The following PREX2 variants were observed in gnomAD, a reference collection of about 807,000 sequenced individuals.
PREX2 encodes the protein phosphatidylinositol 3,4,5-trisphosphate-dependent Rac exchanger 2 protein.
PREX2 carries 107 observed loss-of-function variants against 203.2 expected under a neutral mutation model. The observed-to-expected ratio is 0.53, with a 90% CI of 0.45 to 0.62. The LOEUF (loss-of-function observed/expected upper bound fraction) is 0.62. PREX2 is among the 20% of genes least tolerant of loss of function. The pLI is 0.00. For missense variants in PREX2, 1,777 were observed against 1,955.9 expected (o/e 0.91, Z 1.72); for synonymous variants, 672 against 663.6 (o/e 1.01, Z -0.19).
intron 17 of PREX2, among the ~76,000 whole-genome samples, chr8:68,081,487 A>G (rs1809523458): frequency 1.3e-5 from 2 of 152,134 alleles, no homozygotes; most frequent in Admixed American, 6.5e-5. Flanking sequence ...CTGGAGCTTC[A>G]CTAATCACAG....
At chr8:68,026,127 C>T (rs535933668) in intron 4 of PREX2, among the ~76,000 whole-genome samples, 4 of 152,106 alleles carry the variant, frequency 2.6e-5, no homozygotes, top group African/African-American at 4.8e-5. Flanking sequence ...AGCATGCTTG[C>T]GTAAGAGCAT....
intron 1 of PREX2, 78 bp downstream of exon 1, chr8:67,952,613 C>G: frequency 1.3e-6 from 2 of 1,545,054 alleles, no homozygotes; most frequent in Non-Finnish European, 1.8e-6. Flanking sequence ...GGGAAGGACG[C>G]GCGGCATTGT....
rs1397213690 is a variant in PREX2 at position 67,952,550 on chromosome 8, C to T, written c.141+15C>T. The T allele has an allele frequency of 3.1e-6, 5 of 1,606,582 alleles. No homozygotes were observed. Among genetic ancestry groups the T allele is most frequent in the East Asian group, 4.5e-5 (2 of 44,404 alleles). On this transcript the variant is annotated intron_variant, in intron 1 of 39. Transcript: ENST00000288368. ...TCCTGGTGTCGGTGAGTGTCCCCGG[C>T]AGACGCAGGGGGACGTCCGGGCGGC...
chr8:68,198,039 G>A (rs1180069564), intron 37 of PREX2, among the ~76,000 whole-genome samples: 2 of 151,952 alleles, frequency 1.3e-5, no homozygotes, highest in Non-Finnish European at 2.9e-5. Context: ...CAAACGCTTA[G>A]ATAAAATCAC....
intron 11 of PREX2, among the ~76,000 whole-genome samples, chr8:68,067,197 A>G (rs181742103): frequency 1.2e-4 from 19 of 152,110 alleles, no homozygotes; most frequent in African/African-American, 3.6e-4. Context: ...TGCTTTGGCT[A>G]TTGTGGGTCT....
chr8:67,971,891 G>A lies in PREX2; in HGVS notation c.141+19356G>A, dbSNP rs186300180. ...GGAAGTATGCTACTTTGGGAAATAA[G>A]GATGTTGTAGAAATTAATATTTTAA... On this transcript the variant is annotated intron_variant, in intron 1 of 39. Coordinates refer to ENST00000288368, the MANE Select transcript of PREX2 (RefSeq NM_024870.4). 5.1e-4 allele frequency among the ~76,000 whole-genome samples: 77 copies of A among 152,316 alleles called. 2 individuals carry two copies. In the Middle Eastern group the frequency reaches 0.027, roughly 54 times the overall value.
chr8:68,138,341 A>G, intron 32 of PREX2, 74 bp from the exon 33 acceptor site: 3 of 763,808 alleles, frequency 3.9e-6, no homozygotes, highest in South Asian at 2.9e-5. Flanking sequence ...TTTGGTCTGA[A>G]TTTACATTAT....
chr8:68,198,580 T>A (rs1006806681), intron 37 of PREX2, among the ~76,000 whole-genome samples: 5 of 152,190 alleles, frequency 3.3e-5, no homozygotes, highest in Non-Finnish European at 7.3e-5. Context: ...TGTTTTTCTT[T>A]AACCAATATA....
intron 25 of PREX2, among the ~76,000 whole-genome samples, chr8:68,111,598 A>C (rs1426178735): frequency 6.6e-6 from 1 of 152,124 alleles, no homozygotes; most frequent in Non-Finnish European, 1.5e-5. Flanking sequence ...CCTCTACCCA[A>C]CTGAGTGTGT....
intron 39 of PREX2, among the ~76,000 whole-genome samples, chr8:68,226,653 T>G (rs1813061601): frequency 6.6e-6 from 1 of 152,192 alleles, no homozygotes; most frequent in African/African-American, 2.4e-5. Flanking sequence ...TATATTGAAT[T>G]TCTGCTGTGT....
intron 37 of PREX2, among the ~76,000 whole-genome samples, chr8:68,205,226 C>A (rs1011489989): frequency 6.6e-6 from 1 of 152,100 alleles, no homozygotes. Flanking sequence ...TTCAAAGTTT[C>A]CTAAAAAGAG....
intron 39 of PREX2, among the ~76,000 whole-genome samples, chr8:68,228,946 A>C (rs1481115249): frequency 1.1e-4 from 14 of 121,820 alleles, no homozygotes; most frequent in African/African-American, 3.6e-4. Context: ...TGTCTCTTTA[A>C]AAAAAAAAAA....
intron 35 of PREX2, among the ~76,000 whole-genome samples, chr8:68,162,677 T>C (rs1281536977): frequency 6.6e-6 from 1 of 152,082 alleles, no homozygotes. Flanking sequence ...GTGAAGAGTA[T>C]GATTGGAGGA....
At chr8:67,995,055 A>G (rs1806724903) in intron 1 of PREX2, among the ~76,000 whole-genome samples, 2 of 151,976 alleles carry the variant, frequency 1.3e-5, no homozygotes, top group East Asian at 1.9e-4. Context: ...CTTCCACAGT[A>G]TTGTTCTCTA....
At position 67,961,009 on chromosome 8, in the gene PREX2, A is replaced by C. The variant is rs577661951; in HGVS notation, c.141+8474A>C. On this transcript the variant is annotated intron_variant, in intron 1 of 39. Coordinates refer to ENST00000288368, the MANE Select transcript of PREX2 (RefSeq NM_024870.4). ...CAGAGATAATGACAACCATTTTTTA[A>C]ACCATGGTGCAAATAGTATAAAACT... Among the ~76,000 whole-genome samples, 5 of 150,876 alleles carry C rather than the reference A, an allele frequency of 3.3e-5. No homozygotes were observed. In the South Asian group the frequency reaches 1.1e-3, roughly 32 times the overall value.
intron 1 of PREX2, among the ~76,000 whole-genome samples, chr8:67,954,551 T>A (rs1805439948): frequency 6.6e-6 from 1 of 152,178 alleles, no homozygotes; most frequent in East Asian, 1.9e-4. Context: ...ATTCCTCTTC[T>A]AGGAACCTAT....
At chr8:68,191,938 A>G (rs1358908616) in intron 36 of PREX2, 150 bp downstream of exon 36, 1 of 605,876 alleles carries the variant, frequency 1.7e-6, no homozygotes, top group Non-Finnish European at 2.9e-6. Context: ...TTCTTTATTC[A>G]TTTATTTATT....
intron 35 of PREX2, among the ~76,000 whole-genome samples, chr8:68,171,015 G>A (rs909029492): frequency 6.6e-6 from 1 of 152,090 alleles, no homozygotes; most frequent in Non-Finnish European, 1.5e-5. Context: ...AGATTATTAT[G>A]TTTAGAATAT....
rs1421425470 is a variant in PREX2, at chr8:68,191,779, TGTAG to T, written c.4405_4408del (p.Val1469IlefsTer3). 6.2e-7 allele frequency: 1 copy of T among 1,603,242 alleles called. No homozygotes were observed. The highest frequency in any genetic ancestry group is 1.1e-5 in the South Asian group (1 of 90,766). On this transcript the variant is annotated frameshift_variant, in exon 36 of 40. Coordinates refer to ENST00000288368, the MANE Select transcript of PREX2 (RefSeq NM_024870.4). LOFTEE classifies it high-confidence loss of function. ...CAAACTCCACATCCAAAGCTGCCTA[TGTAG>T]ATAAGGTAAAAACAGATGATTATAT... is the stretch of plus-strand genomic sequence containing the variant.
Sources: allele counts gnomAD v4.1 joint callset (sites outside exome capture counted in the v4.1 genomes callset), GRCh38; gene constraint gnomAD v4.1.1; transcripts MANE v1.5; gene names NCBI Gene and HGNC (gene_info 2026-07-23, HGNC 2026-07-21).